Variants in FAM76B observed in about 807,000 individuals in gnomAD.
FAM76B encodes the protein family with sequence similarity 76 member B.
A neutral mutation model predicts 51.8 loss-of-function variants in FAM76B; 16 were observed. The observed-to-expected ratio is 0.31, with a 90% CI of 0.21 to 0.47. The LOEUF is 0.47. Among genes scored for constraint, FAM76B ranks in the 20% least tolerant of loss-of-function variants. The pLI is 1.00. For synonymous variants in FAM76B, 166 were observed against 129.5 expected (o/e 1.28, Z -1.91); for missense variants, 342 against 392.6 (o/e 0.87, Z 1.09).
rs1349211630 is a variant in FAM76B at position 95,789,466 on chromosome 11, C to T, written c.13G>A (p.Ala5Thr). 1 of 1,606,746 alleles carries T rather than the reference C, an allele frequency of 6.2e-7. No individual in the cohort carries two copies. Among genetic ancestry groups the T allele is most frequent in the East Asian group, 2.3e-5 (1 of 44,428 alleles). MAAS[A>T]LYACTKCTQR... ...GTACACTTGGTGCAGGCGTACAGGG[C>T]CGAGGCCGCCATCCTGCTCCTCAGT... Residue 5 changes from alanine (A) to threonine (T), a missense_variant, in exon 1 of 10, where the codon GCC becomes ACC. This residue lies in a region of FAM76B where 96 missense variants were observed against 94.7 expected (regional missense o/e 1.01). Coordinates refer to ENST00000358780, the MANE Select transcript of FAM76B (RefSeq NM_144664.5).
intron 9 of FAM76B, among the ~76,000 whole-genome samples, chr11:95,773,235 A>G (rs1793121096): frequency 6.6e-6 from 1 of 151,118 alleles, no homozygotes; most frequent in South Asian, 2.1e-4. Flanking sequence ...ATGCTTTGGT[A>G]GCTAATTTCC....
At chr11:95,777,251 T>C (rs1171137244) in intron 8 of FAM76B, among the ~76,000 whole-genome samples, 1 of 151,442 alleles carries the variant, frequency 6.6e-6, no homozygotes, top group East Asian at 1.9e-4. Flanking sequence ...GTTGCAAATG[T>C]ATAGTTATTT....
At chr11:95,783,615 C>T (rs951314364) in intron 4 of FAM76B, among the ~76,000 whole-genome samples, 5 of 152,170 alleles carry the variant, frequency 3.3e-5, no homozygotes, top group Non-Finnish European at 7.3e-5. Context: ...ATCGCTGTGT[C>T]ATTACTAATA....
intron 4 of FAM76B, among the ~76,000 whole-genome samples, chr11:95,783,765 C>T (rs1056112255): frequency 3.3e-5 from 5 of 152,192 alleles, no homozygotes; most frequent in Admixed American, 2.6e-4. Context: ...ACCCAAAAAT[C>T]AAGACTTGTA....
intron 5 of FAM76B, among the ~76,000 whole-genome samples, chr11:95,782,108 G>A (rs970955374): frequency 2.0e-5 from 3 of 152,046 alleles, no homozygotes; most frequent in African/African-American, 7.2e-5. Flanking sequence ...TTTAATTTGT[G>A]TTTGTCAGTT....
chr11:95,789,005 T>A, intron 1 of FAM76B: 1 of 1,356,770 alleles, frequency 7.4e-7, no homozygotes. Flanking sequence ...AGCAAGAAAG[T>A]GCAAAAACCG....
At chr11:95,782,280 A>G (rs2120255901) in intron 5 of FAM76B, among the ~76,000 whole-genome samples, 1 of 152,300 alleles carries the variant, frequency 6.6e-6, no homozygotes, top group Admixed American at 6.5e-5. Flanking sequence ...TGAACAACCC[A>G]GGTTTGAAAT....
intron 1 of FAM76B, chr11:95,789,180 G>C (rs1860820950): frequency 9.6e-7 from 1 of 1,039,304 alleles, no homozygotes. Flanking sequence ...GGGCCGCCTG[G>C]AAAAGGGCAC....
In FAM76B at chr11:95,783,209, T is replaced by C. The variant is rs1318196837; in HGVS notation, c.419A>G (p.Gln140Arg). 41 of 1,613,854 alleles carry C rather than the reference T, an allele frequency of 2.5e-5. No individual in the cohort carries two copies. The highest frequency in any genetic ancestry group is 1.3e-4 in the East Asian group (6 of 44,878). Residue 140 changes from glutamine (Q) to arginine (R), a missense_variant, in exon 5 of 10, where the codon CAG (glutamine) becomes CGG (arginine). Physicochemically the swap from Gln to Arg is conservative, Grantham distance 43 (BLOSUM62 1). Around this residue, in one of 3 missense-constraint regions of FAM76B, gnomAD observed 230 missense variants for 257.4 expected, o/e 0.89. Coordinates refer to ENST00000358780, the MANE Select transcript of FAM76B (RefSeq NM_144664.5). ...LCTLSYKRVLQKTKEQRKSLG... is the reference protein window; with the variant it reads ...LCTLSYKRVLRKTKEQRKSLG... ...GCTCTTCCTTTGTTCTTTCGTCTTC[T>C]GTAAAACTCTTTTGTACGATAAAGT...
chr11:95,776,309 A>G (rs1332760862), intron 8 of FAM76B, among the ~76,000 whole-genome samples: 1 of 151,476 alleles, frequency 6.6e-6, no homozygotes, highest in East Asian at 1.9e-4. Flanking sequence ...GGCAACTGGT[A>G]TGCCAACGAA....
Position 95,781,969 on chromosome 11 carries a change from G to A in FAM76B, c.563+1096C>T, listed in dbSNP as rs532665335. On this transcript the variant is annotated intron_variant, in intron 5 of 9. Coordinates refer to ENST00000358780, the MANE Select transcript of FAM76B (RefSeq NM_144664.5). ...AAATACTGCATGTGTTCCAAAATGA[G>A]GTGGGCATCAGTTGTTTGTAAATTC... Among the ~76,000 whole-genome samples, 193 of 152,206 alleles carry A rather than the reference G, an allele frequency of 1.3e-3. 1 individual carries two copies. The highest frequency in any genetic ancestry group is 3.9e-3 in the African/African-American group (164 of 41,540).
chr11:95,789,534 A>G lies in FAM76B; in HGVS notation c.-56T>C, dbSNP rs1860870011. 10 of 1,506,664 alleles carry G rather than the reference A, an allele frequency of 6.6e-6. No homozygotes were observed. The highest frequency in any genetic ancestry group is 9.0e-6 in the Non-Finnish European group (10 of 1,114,958). 93.3% of individuals were successfully genotyped at this position (1,506,664 alleles called of 1,614,324 possible). A position where few individuals can be genotyped will look rare whatever the true frequency, so the allele number is the denominator to read the frequency against. On this transcript the variant is annotated 5_prime_UTR_variant, in exon 1 of 10. Coordinates refer to ENST00000358780, the MANE Select transcript of FAM76B (RefSeq NM_144664.5). ...CCCGCTCCGAGGCGGGGCCCTACGG[A>G]GAACCCGAGAGCCGCCGCCGCCCGG...
intron 4 of FAM76B, among the ~76,000 whole-genome samples, chr11:95,784,324 ATAAC>A (rs1203234361): frequency 1.3e-5 from 2 of 152,116 alleles, no homozygotes; most frequent in Admixed American, 6.5e-5. Flanking sequence ...ATCAGGAAAA[ATAAC>A]TAATAGGTAT....
chr11:95,783,326 T>TA (rs1445051107), intron 4 of FAM76B, 62 bp from the exon 5 acceptor site: 2 of 1,447,086 alleles, frequency 1.4e-6, no homozygotes, highest in Non-Finnish European at 9.6e-7. Flanking sequence ...CGAAACCAGG[T>TA]AAGATAAACC....
intron 9 of FAM76B, among the ~76,000 whole-genome samples, chr11:95,773,365 A>G (rs1318627288): frequency 6.7e-6 from 1 of 150,002 alleles, no homozygotes; most frequent in Non-Finnish European, 1.5e-5. Flanking sequence ...AATTATTCTA[A>G]TTTGAATACT....
intron 1 of FAM76B, 53 bp from the exon 2 acceptor site, chr11:95,788,616 C>T: frequency 2.6e-6 from 4 of 1,541,534 alleles, no homozygotes; most frequent in Non-Finnish European, 3.6e-6. Context: ...CCAAATCTCA[C>T]TTTTCTGGTA....
chr11:95,778,270 A>G (rs957893321), intron 8 of FAM76B, among the ~76,000 whole-genome samples: 2 of 151,444 alleles, frequency 1.3e-5, no homozygotes, highest in Non-Finnish European at 3.0e-5. Context: ...TGAACAACAC[A>G]TTTTAATATT....
chr11:95,784,944 T>C (rs1860481396), intron 4 of FAM76B, among the ~76,000 whole-genome samples: 1 of 152,084 alleles, frequency 6.6e-6, no homozygotes, highest in Admixed American at 6.5e-5. Flanking sequence ...CAAAATAAGG[T>C]TATATATTGA....
chr11:95,780,091 A>G (rs543224067), intron 5 of FAM76B, among the ~76,000 whole-genome samples, 165 bp from the exon 6 acceptor site: 1 of 151,982 alleles, frequency 6.6e-6, no homozygotes, highest in African/African-American at 2.4e-5. Context: ...AATAAATCAC[A>G]TTCTGATGAA....
Sources: allele counts gnomAD v4.1 joint callset (sites outside exome capture counted in the v4.1 genomes callset), GRCh38; gene constraint gnomAD v4.1.1; regional missense constraint gnomAD v4.1.1; transcripts MANE v1.5; gene names NCBI Gene and HGNC (gene_info 2026-07-23, HGNC 2026-07-21).